RIT2: variants seen among roughly 807,000 people sequenced by gnomAD.
The protein encoded by RIT2 is Ras like without CAAX 2.
Under a neutral mutation model 23.7 loss-of-function variants are expected in RIT2, and 24 were observed. The observed-to-expected ratio is 1.01, with a 90% CI of 0.73 to 1.43. RIT2 has a LOEUF of 1.43. RIT2 is among the 40% of genes most tolerant of loss of function. RIT2 has a pLI of 0.00. For missense variants in RIT2, 236 were observed against 266.9 expected (o/e 0.88, Z 0.81); for synonymous variants, 107 against 91.1 (o/e 1.17, Z -0.99).
intron 4 of RIT2, among the ~76,000 whole-genome samples, chr18:42,747,895 G>T (rs1239066379): frequency 1.3e-5 from 2 of 151,872 alleles, no homozygotes; most frequent in African/African-American, 4.8e-5. Flanking sequence ...AACTCAAGAT[G>T]GATAAAGGAC....
intron 4 of RIT2, among the ~76,000 whole-genome samples, chr18:42,892,394 T>C (rs1368429274): frequency 1.3e-5 from 2 of 152,244 alleles, no homozygotes; most frequent in South Asian, 2.1e-4. Flanking sequence ...TTGGAGTCTA[T>C]TGGATTATAC....
At chr18:43,032,805 A>C (rs1796213816) in intron 2 of RIT2, among the ~76,000 whole-genome samples, 1 of 152,154 alleles carries the variant, frequency 6.6e-6, no homozygotes, top group African/African-American at 2.4e-5. Context: ...ATGCAAGCAA[A>C]TATTCTGGGG....
At chr18:43,062,471 T>TA (rs1355606216) in intron 1 of RIT2, among the ~76,000 whole-genome samples, 1 of 152,170 alleles carries the variant, frequency 6.6e-6, no homozygotes, top group African/African-American at 2.4e-5. Context: ...ATTTACTTTT[T>TA]ATAGCTTAGA....
intron 1 of RIT2, among the ~76,000 whole-genome samples, chr18:43,042,014 A>C (rs573510059): frequency 6.6e-6 from 1 of 152,288 alleles, no homozygotes; most frequent in South Asian, 2.1e-4. Context: ...CTTGATATTT[A>C]TGCGAAGTAC....
chr18:42,930,400 T>A (rs1909297866), intron 3 of RIT2, among the ~76,000 whole-genome samples: 1 of 151,368 alleles, frequency 6.6e-6, no homozygotes, highest in Non-Finnish European at 1.5e-5. Context: ...AAAAGAATTA[T>A]GAAAAAAGGA....
At chr18:42,858,758 CT>C (rs1426148697) in intron 4 of RIT2, among the ~76,000 whole-genome samples, 1 of 152,120 alleles carries the variant, frequency 6.6e-6, no homozygotes, top group African/African-American at 2.4e-5. Flanking sequence ...ACTTTCTGTT[CT>C]TGTAGACTTC....
chr18:42,796,546 G>A (rs147650217), intron 4 of RIT2, among the ~76,000 whole-genome samples: 154 of 152,284 alleles, frequency 1.0e-3, no homozygotes, highest in Admixed American at 3.0e-3. Flanking sequence ...ATTCCTATGA[G>A]ATGGACAGAC....
chr18:43,004,535 T>C (rs1215335221), intron 2 of RIT2, among the ~76,000 whole-genome samples: 1 of 151,926 alleles, frequency 6.6e-6, no homozygotes, highest in Non-Finnish European at 1.5e-5. Context: ...TTAAATCTAC[T>C]GGGAGGCCTC....
At chr18:42,827,955 G>C (rs1047200945) in intron 4 of RIT2, among the ~76,000 whole-genome samples, 1 of 129,602 alleles carries the variant, frequency 7.7e-6, no homozygotes, top group Non-Finnish European at 1.5e-5. Flanking sequence ...CAGTGAATGA[G>C]ATCGCGCCAC....
intron 3 of RIT2, among the ~76,000 whole-genome samples, chr18:42,937,680 T>C (rs1909494629): frequency 6.6e-6 from 1 of 152,204 alleles, no homozygotes; most frequent in African/African-American, 2.4e-5. Flanking sequence ...GGATCTCATT[T>C]GCTCAAATTT....
At chr18:43,114,805 C>T (rs927476871) in intron 1 of RIT2, among the ~76,000 whole-genome samples, 1 of 152,226 alleles carries the variant, frequency 6.6e-6, no homozygotes, top group South Asian at 2.1e-4. Context: ...GTAGCTTTCT[C>T]CTTTAATTGA....
intron 1 of RIT2, among the ~76,000 whole-genome samples, chr18:43,055,851 T>A (rs546815454): frequency 6.6e-6 from 1 of 152,010 alleles, no homozygotes; most frequent in Non-Finnish European, 1.5e-5. Context: ...TAGGCAAGGA[T>A]GTGAATGCAG....
chr18:43,034,810 A>G (rs1430368766), intron 1 of RIT2, among the ~76,000 whole-genome samples: 1 of 152,098 alleles, frequency 6.6e-6, no homozygotes, highest in Admixed American at 6.5e-5. Flanking sequence ...TCCTACCTTC[A>G]ACAAGAATCC....
At chr18:42,843,306 T>G (rs1376883825) in intron 4 of RIT2, among the ~76,000 whole-genome samples, 6 of 152,194 alleles carry the variant, frequency 3.9e-5, no homozygotes, top group African/African-American at 1.4e-4. Context: ...TTTTAAAACC[T>G]GCTATGTCAG....
chr18:42,831,262 T>G (rs1568007376), intron 4 of RIT2, among the ~76,000 whole-genome samples: 1 of 152,210 alleles, frequency 6.6e-6, no homozygotes, highest in Non-Finnish European at 1.5e-5. Flanking sequence ...TAGGATTGTC[T>G]CAGTGTTAAA....
intron 2 of RIT2, among the ~76,000 whole-genome samples, chr18:43,018,854 C>A (rs1911533545): frequency 6.6e-6 from 1 of 151,382 alleles, no homozygotes; most frequent in South Asian, 2.1e-4. Context: ...CATGAAAATA[C>A]AAAAGTATAA....
intron 4 of RIT2, among the ~76,000 whole-genome samples, chr18:42,790,956 ATTCCATTCT>A (rs773600917): frequency 1.3e-5 from 2 of 152,150 alleles, no homozygotes; most frequent in Non-Finnish European, 2.9e-5. Flanking sequence ...TTCCTGGGTG[ATTCCATTCT>A]TGGCTGCCCA....
intron 4 of RIT2, among the ~76,000 whole-genome samples, chr18:42,797,153 C>T (rs916379565): frequency 1.3e-5 from 2 of 152,160 alleles, no homozygotes; most frequent in Non-Finnish European, 2.9e-5. Flanking sequence ...AAATATTAGT[C>T]TCCTTCCCTG....
rs114539005 is a variant in RIT2, at chr18:42,876,757, A to C, written c.426+46815T>G. Among the ~76,000 whole-genome samples the C allele has an allele frequency of 9.7e-3, 1,476 of 151,916 alleles. 30 individuals carry two copies. The highest frequency in any genetic ancestry group is 0.034 in the African/African-American group (1,401 of 41,486). ...GTAATAAGTCATAGCTAAGAAATAC[A>C]TTGTTAAATGCCAGCATTATGCCCC... On this transcript the variant is annotated intron_variant, in intron 4 of 4. Coordinates refer to ENST00000326695, the MANE Select transcript of RIT2 (RefSeq NM_002930.4).
Sources: gnomAD v4.1 joint callset for allele counts (sites outside exome capture counted in the v4.1 genomes callset) on GRCh38, gnomAD v4.1.1 for gene constraint, MANE v1.5 for transcripts, NCBI Gene and HGNC (gene_info 2026-07-23, HGNC 2026-07-21) for gene names.